Variants in MRPS28 observed in about 807,000 individuals in gnomAD.
The protein encoded by MRPS28 is small ribosomal subunit protein bS1m.
MRPS28 carries 7 observed loss-of-function variants against 10.8 expected under a neutral mutation model. That is an observed-to-expected ratio of 0.65 (90% CI 0.37 to 1.22). MRPS28 has a LOEUF of 1.22. Among genes scored for constraint, MRPS28 ranks in the 50% most tolerant of loss-of-function variants. The pLI is 0.02. For synonymous variants in MRPS28, 121 were observed against 93.3 expected (o/e 1.30, Z -1.71); for missense variants, 265 against 232.9 (o/e 1.14, Z -0.90).
At position 80,030,041 on chromosome 8, in the gene MRPS28, G is replaced by C; in HGVS notation, c.208C>G (p.Gln70Glu). The change falls in exon 1 of 3, where the codon CAG becomes GAG. Residue 70 changes from glutamine (Q) to glutamate (E), a missense_variant. Physicochemically the swap from Gln to Glu is conservative, Grantham distance 29. Transcript: ENST00000276585. ...SELLQKVEPL[Q>E]KGSPKNVESF... ...CTCACCCGCCCGGGCTCCACCTTCT[G>C]TAGGGGCTCCACCTTCTGTAGAAGC... 6.2e-7 allele frequency: 1 copy of C among 1,613,210 alleles called. No individual in the cohort carries two copies. The highest frequency in any genetic ancestry group is 8.5e-7 in the Non-Finnish European group (1 of 1,179,676).
chr8:80,015,494 T>C (rs1039185448), intron 1 of MRPS28, among the ~76,000 whole-genome samples: 6 of 152,072 alleles, frequency 3.9e-5, no homozygotes, highest in African/African-American at 1.4e-4. Flanking sequence ...CAGTTCATAG[T>C]CCAGAGGCAC....
At chr8:79,986,049 C>T (rs2130100418) in intron 2 of MRPS28, among the ~76,000 whole-genome samples, 1 of 152,290 alleles carries the variant, frequency 6.6e-6, no homozygotes, top group South Asian at 2.1e-4. Context: ...GAAACTGAAT[C>T]CAGTAGCACA....
At chr8:79,980,294 G>A (rs1807920960) in intron 2 of MRPS28, among the ~76,000 whole-genome samples, 1 of 152,134 alleles carries the variant, frequency 6.6e-6, no homozygotes, top group African/African-American at 2.4e-5. Context: ...GTAGAGCCAG[G>A]ATTCAAATCC....
At chr8:79,960,700 AT>A (rs1297189207) in intron 2 of MRPS28, among the ~76,000 whole-genome samples, 5 of 152,128 alleles carry the variant, frequency 3.3e-5, no homozygotes. Context: ...ATTATGCTTA[AT>A]CTTAGGGAAA....
chr8:79,999,807 C>G (rs1409638400), intron 2 of MRPS28, among the ~76,000 whole-genome samples: 1 of 151,360 alleles, frequency 6.6e-6, no homozygotes, highest in African/African-American at 2.4e-5. Flanking sequence ...TCTGTAGGAC[C>G]AAAGAGGAAG....
chr8:79,984,799 G>T (rs1177446456), intron 2 of MRPS28, among the ~76,000 whole-genome samples: 1 of 152,134 alleles, frequency 6.6e-6, no homozygotes, highest in Non-Finnish European at 1.5e-5. Context: ...CCTACAAAGA[G>T]ACTTAGACTC....
intron 2 of MRPS28, among the ~76,000 whole-genome samples, chr8:79,975,660 G>A (rs57262385): frequency 0.035 from 5,377 of 151,962 alleles, 251 homozygotes; most frequent in African/African-American, 0.1. Context: ...GTCATCAAAA[G>A]TGCAAATTAA....
intron 2 of MRPS28, among the ~76,000 whole-genome samples, chr8:79,939,282 T>C (rs1042220041): frequency 2.6e-5 from 4 of 152,254 alleles, no homozygotes; most frequent in African/African-American, 9.6e-5. Flanking sequence ...AGTCTCATCA[T>C]GATGCAGTAA....
intron 2 of MRPS28, among the ~76,000 whole-genome samples, chr8:79,954,633 C>A (rs548388596): frequency 6.6e-6 from 1 of 152,170 alleles, no homozygotes; most frequent in Non-Finnish European, 1.5e-5. Context: ...GGTTCAAATA[C>A]CTCTTCATTT....
intron 1 of MRPS28, among the ~76,000 whole-genome samples, chr8:80,012,503 T>C (rs1388604263): frequency 6.6e-6 from 1 of 152,204 alleles, no homozygotes; most frequent in East Asian, 1.9e-4. Flanking sequence ...CATGCTGATA[T>C]AGACTGCAGA....
At chr8:79,960,557 T>C (rs954272372) in intron 2 of MRPS28, among the ~76,000 whole-genome samples, 1 of 152,126 alleles carries the variant, frequency 6.6e-6, no homozygotes, top group African/African-American at 2.4e-5. Flanking sequence ...TTAATACCAG[T>C]GTATGTACTT....
chr8:79,929,620 C>A lies in MRPS28; in HGVS notation c.396-10472G>T, dbSNP rs369211621. On this transcript the variant is annotated intron_variant, in intron 2 of 2. Transcript: ENST00000276585. ...CTATATATTGTATGCCCCCACCCCC[C>A]CAAAAGCAGAAATAAGACAAACGGG... Among the ~76,000 whole-genome samples, 156 of 151,926 alleles carry A rather than the reference C, an allele frequency of 1.0e-3. 1 individual carries two copies. The highest frequency in any genetic ancestry group is 3.5e-3 in the African/African-American group (147 of 41,436).
rs538186176 is a variant in MRPS28, at chr8:79,970,988, C to A, written c.395+32011G>T. ...GTATAGTAACTTTGGAAAAATGCCG[C>A]CTTTAATATAAACAAACAATGGACT... On this transcript the variant is annotated intron_variant, in intron 2 of 2. Coordinates refer to ENST00000276585, the MANE Select transcript of MRPS28 (RefSeq NM_014018.3). Among the ~76,000 whole-genome samples, 4 of 152,200 alleles carry A rather than the reference C, an allele frequency of 2.6e-5. No homozygotes were observed. In the East Asian group the frequency reaches 7.7e-4, roughly 29 times the overall value.
At chr8:79,975,293 C>A (rs1335374107) in intron 2 of MRPS28, among the ~76,000 whole-genome samples, 1 of 151,840 alleles carries the variant, frequency 6.6e-6, no homozygotes, top group East Asian at 1.9e-4. Context: ...CAAGACCCTG[C>A]CTTGGAAAAG....
intron 2 of MRPS28, among the ~76,000 whole-genome samples, chr8:79,966,500 C>T (rs925866441): frequency 2.0e-5 from 3 of 151,940 alleles, no homozygotes; most frequent in African/African-American, 7.3e-5. Context: ...GTCACTTTCT[C>T]TGCTCTCAAT....
chr8:79,956,608 T>C (rs1425742164), intron 2 of MRPS28: 2 of 152,120 alleles, frequency 1.3e-5, no homozygotes, highest in African/African-American at 2.4e-5. Flanking sequence ...CCAATGGTTA[T>C]TTTTCTGCTC....
chr8:79,998,321 T>C (rs930958607), intron 2 of MRPS28, among the ~76,000 whole-genome samples: 3 of 152,192 alleles, frequency 2.0e-5, no homozygotes, highest in African/African-American at 7.2e-5. Flanking sequence ...ATGTGATTTC[T>C]GACTTCAAGT....
At chr8:80,029,151 G>A (rs1482461170) in intron 1 of MRPS28, among the ~76,000 whole-genome samples, 1 of 152,120 alleles carries the variant, frequency 6.6e-6, no homozygotes, top group Non-Finnish European at 1.5e-5. Context: ...TGTGTTTTAC[G>A]CCACTAAATT....
At chr8:79,945,935 C>T (rs1806903187) in intron 2 of MRPS28, among the ~76,000 whole-genome samples, 1 of 152,040 alleles carries the variant, frequency 6.6e-6, no homozygotes, top group South Asian at 2.1e-4. Flanking sequence ...CCATTTAGTC[C>T]TCACAACAAC....
Sources: allele counts gnomAD v4.1 joint callset (sites outside exome capture counted in the v4.1 genomes callset), GRCh38; gene constraint gnomAD v4.1.1; transcripts MANE v1.5; gene names NCBI Gene and HGNC (gene_info 2026-07-23, HGNC 2026-07-21).